Variants in LIX1L observed in about 807,000 individuals in gnomAD.
LIX1L encodes the protein limb and CNS expressed 1 like, also known as LIX1-like protein.
A neutral mutation model predicts 34.0 loss-of-function variants in LIX1L; 20 were observed. The observed-to-expected ratio is 0.59, with a 90% CI of 0.41 to 0.85. LIX1L has a LOEUF of 0.85. Among genes scored for constraint, LIX1L ranks in the 40% least tolerant of loss-of-function variants. LIX1L has a pLI of 0.00. For synonymous variants in LIX1L, 170 were observed against 187.4 expected, an observed-to-expected ratio of 0.91 and a Z score of 0.76; for missense variants, 397 against 447.0, an observed-to-expected ratio of 0.89 and a Z score of 1.01.
At chr1:145,939,598 C>T (rs587725114) in intron 3 of LIX1L, among the ~76,000 whole-genome samples, 2 of 151,640 alleles carry the variant, frequency 1.3e-5, no homozygotes, top group South Asian at 2.1e-4. Flanking sequence ...TGAACCTCAG[C>T]GCCCAGCCAG....
Position 145,957,870 on chromosome 1 carries a change from T to C in LIX1L, c.58A>G (p.Thr20Ala). 1 of 1,470,328 alleles carries C rather than the reference T, an allele frequency of 6.8e-7. No homozygotes were observed. The highest frequency in any genetic ancestry group is 9.0e-7 in the Non-Finnish European group (1 of 1,113,450). The allele number at this position is 1,470,328 out of a possible 1,614,324, so 91.1% of individuals were successfully genotyped here. The change falls in exon 1 of 6, where the codon ACT becomes GCT. Residue 20 changes from threonine (T) to alanine (A), a missense_variant. By Grantham distance (58) the Thr-to-Ala change is moderately conservative. This residue lies in a region of LIX1L where 207 missense variants were observed against 205.2 expected (regional missense o/e 1.01). Transcript: ENST00000604000. ...ACTCCGGGCCGCAGCGCTCGGAGAGTGCCCCTCCCGCTGGTGCCCACACCA... is the reference window on the plus strand; with the variant it reads ...ACTCCGGGCCGCAGCGCTCGGAGAGCGCCCCTCCCGCTGGTGCCCACACCA... ...QPGVGTSGRG[T>A]LRALRPGVTG...
At chr1:145,957,454 A>T (rs1649514122) in intron 1 of LIX1L, among the ~76,000 whole-genome samples, 182 bp downstream of exon 1, 1 of 152,192 alleles carries the variant, frequency 6.6e-6, no homozygotes, top group African/African-American at 2.4e-5. Context: ...AAAGGGGAGG[A>T]GGTAGGAGGC....
intron 2 of LIX1L, 184 bp downstream of exon 2, chr1:145,947,435 A>G (rs1383918521): frequency 1.5e-5 from 9 of 607,596 alleles, no homozygotes; most frequent in Non-Finnish European, 2.0e-5. Flanking sequence ...TTTGAAAGGA[A>G]AGCATGCTAC....
chr1:145,957,982 TC>T lies in LIX1L; in HGVS notation c.-56del, dbSNP rs1176534456. Reference sequence around the variant, plus strand: ...GCCTGCCAGCCTGCCGAGCTAACGGTCCCAACCACCCCAGTCAGCTAGCGCC... The same window carrying T: ...GCCTGCCAGCCTGCCGAGCTAACGGTCCAACCACCCCAGTCAGCTAGCGCC... On this transcript the variant is annotated 5_prime_UTR_variant, in exon 1 of 6. Coordinates refer to ENST00000604000, the MANE Select transcript of LIX1L (RefSeq NM_153713.3). The T allele has an allele frequency of 1.4e-4, 176 of 1,270,302 alleles. No individual in the cohort carries two copies. The African/African-American group carries it at 2.3e-3, about 17-fold the overall frequency. The allele number at this position is 1,270,302 out of a possible 1,614,324, so 78.7% of individuals were successfully genotyped here. A position where few individuals can be genotyped will look rare whatever the true frequency, so the allele number is the denominator to read the frequency against.
chr1:145,957,016 T>C (rs587750131), intron 1 of LIX1L, among the ~76,000 whole-genome samples: 5 of 152,188 alleles, frequency 3.3e-5, no homozygotes, highest in South Asian at 2.1e-4. Context: ...GATACCAAAG[T>C]AAGGTACTGA....
chr1:145,949,760 CATA>C (rs1553759602), intron 1 of LIX1L, among the ~76,000 whole-genome samples: 1 of 151,532 alleles, frequency 6.6e-6, no homozygotes, highest in East Asian at 1.9e-4. Context: ...GCTAAAGCCT[CATA>C]ATAATAAATT....
At chr1:145,936,581 T>C (rs587726207) in intron 5 of LIX1L, 29 bp from the exon 6 acceptor site, 63 of 1,613,064 alleles carry the variant, frequency 3.9e-5, no homozygotes, top group East Asian at 2.2e-4. Flanking sequence ...GTGAACATCA[T>C]TGAGAAGGTA....
At chr1:145,952,460 A>G (rs1354066749) in intron 1 of LIX1L, among the ~76,000 whole-genome samples, 7 of 152,204 alleles carry the variant, frequency 4.6e-5, no homozygotes, top group African/African-American at 1.4e-4. Context: ...CTCACAAGAA[A>G]GACCAAGATA....
At chr1:145,952,216 T>C (rs189334730) in intron 1 of LIX1L, among the ~76,000 whole-genome samples, 1 of 152,356 alleles carries the variant, frequency 6.6e-6, no homozygotes, top group East Asian at 1.9e-4. Flanking sequence ...AGTCCACAGC[T>C]GAGCTTCATG....
chr1:145,945,820 G>A (rs1649084426), intron 2 of LIX1L, among the ~76,000 whole-genome samples: 1 of 150,814 alleles, frequency 6.6e-6, no homozygotes, highest in South Asian at 2.1e-4. Context: ...GGGCGCAGTG[G>A]CTCACACCTG....
At chr1:145,942,917 T>C in intron 2 of LIX1L, 64 bp from the exon 3 acceptor site, 1 of 1,509,740 alleles carries the variant, frequency 6.6e-7, no homozygotes, top group African/African-American at 1.4e-5. Context: ...GAAGGAACAG[T>C]GGGAGGGAAA....
rs587659330 is a variant in LIX1L, at chr1:145,936,533, G to A, written c.791C>T (p.Ser264Leu). ...AATATCATCATCCAGGGCCCGGTGC[G>A]AATAATGAGCCAACACCTCCTAGTA... is the stretch of plus-strand genomic sequence containing the variant. ...CSRQEVLAHY[S>L]HRALDDDIRH... The change falls in exon 6 of 6, where the codon TCG becomes TTG. Residue 264 changes from serine to leucine, a missense_variant. By Grantham distance (145) the Ser-to-Leu change is moderately radical. This residue lies in a region of LIX1L where 174 missense variants were observed against 204.0 expected (regional missense o/e 0.85). Coordinates refer to ENST00000604000, the MANE Select transcript of LIX1L (RefSeq NM_153713.3). 13 of 1,613,948 alleles carry A rather than the reference G, an allele frequency of 8.1e-6. No individual in the cohort carries two copies. The highest frequency in any genetic ancestry group is 5.5e-5 in the South Asian group (5 of 91,076).
chr1:145,938,405 A>G (rs183631885), intron 3 of LIX1L, among the ~76,000 whole-genome samples: 2 of 152,240 alleles, frequency 1.3e-5, no homozygotes, highest in East Asian at 3.9e-4. Flanking sequence ...AAAAAAACCA[A>G]TACAGCATAG....
chr1:145,940,233 T>C (rs1570962293), intron 3 of LIX1L, among the ~76,000 whole-genome samples: 1 of 152,190 alleles, frequency 6.6e-6, no homozygotes, highest in African/African-American at 2.4e-5. Context: ...CCTAAAGTGC[T>C]GGGATTACAG....
chr1:145,947,715 A>G lies in LIX1L; in HGVS notation c.360T>C (p.Asn120=), dbSNP rs1553759411. 2 of 1,614,184 alleles carry G rather than the reference A, an allele frequency of 1.2e-6. No homozygotes were observed. The highest frequency in any genetic ancestry group is 1.7e-6 in the Non-Finnish European group (2 of 1,180,022). The change falls in exon 2 of 6, where the codon AAT becomes AAC. Residue 120 remains asparagine (N), a synonymous_variant. Coordinates refer to ENST00000604000, the MANE Select transcript of LIX1L (RefSeq NM_153713.3). ...CCATCTCATAAACCACTAGAGCCCC[A>G]TTCTTTAAGTCAGCACCACGGGACT... The part of the protein sequence containing the change: ...MKQSRGADLK[N]GALVVYEMVP...
At chr1:145,954,235 A>AGGGCCCTG (rs1649394878) in intron 1 of LIX1L, among the ~76,000 whole-genome samples, 1 of 152,110 alleles carries the variant, frequency 6.6e-6, no homozygotes, top group Non-Finnish European at 1.5e-5. Flanking sequence ...CCCTGCCAAC[A>AGGGCCCTG]CCTTGATTTT....
intron 1 of LIX1L, among the ~76,000 whole-genome samples, chr1:145,954,255 A>C (rs1217737864): frequency 1.3e-5 from 2 of 152,094 alleles, no homozygotes; most frequent in African/African-American, 2.4e-5. Flanking sequence ...TGGCCCAGTA[A>C]TACTGATTTT....
intron 1 of LIX1L, 24 bp downstream of exon 1, chr1:145,957,612 A>G (rs985637688): frequency 9.4e-6 from 14 of 1,488,906 alleles, no homozygotes; most frequent in Non-Finnish European, 1.2e-5. Flanking sequence ...GGTGTCGCGC[A>G]GGAGGCCAGA....
intron 1 of LIX1L, among the ~76,000 whole-genome samples, chr1:145,952,876 G>A (rs1649349058): frequency 6.6e-6 from 1 of 152,092 alleles, no homozygotes; most frequent in Non-Finnish European, 1.5e-5. Flanking sequence ...CTCCCAAAGT[G>A]CTGGGATTAC....
Sources: allele counts gnomAD v4.1 joint callset (sites outside exome capture counted in the v4.1 genomes callset), GRCh38; gene constraint gnomAD v4.1.1; regional missense constraint gnomAD v4.1.1; transcripts MANE v1.5; gene names NCBI Gene and HGNC (gene_info 2026-07-23, HGNC 2026-07-21).